UBASH3B: variants seen among roughly 807,000 people sequenced by gnomAD.
UBASH3B encodes the protein ubiquitin associated and SH3 domain containing B.
In UBASH3B, 37 loss-of-function variants were observed where a neutral mutation model predicts 83.4. The ratio of observed to expected loss-of-function variants is 0.44; its 90% CI spans 0.34 to 0.58. The LOEUF (loss-of-function observed/expected upper bound fraction) is 0.58, where lower values mean the gene tolerates loss of function less well. Ranked by LOEUF, UBASH3B falls within the 20% of genes least tolerant of loss-of-function variation. UBASH3B has a pLI of 0.01. For missense variants in UBASH3B, 657 were observed against 827.2 expected (o/e 0.79, Z 2.52); for synonymous variants, 304 against 318.3 (o/e 0.96, Z 0.48).
intron 1 of UBASH3B, among the ~76,000 whole-genome samples, chr11:122,660,900 T>A (rs1322663008): frequency 6.6e-6 from 1 of 152,216 alleles, no homozygotes; most frequent in African/African-American, 2.4e-5. Context: ...AGCTTCTGAA[T>A]GATATCTGCA....
At chr11:122,664,270 G>A (rs965594626) in intron 1 of UBASH3B, among the ~76,000 whole-genome samples, 1 of 152,160 alleles carries the variant, frequency 6.6e-6, no homozygotes, top group Non-Finnish European at 1.5e-5. Context: ...GCTGGGGACT[G>A]GAAGGGGTAC....
At chr11:122,740,088 T>C (rs991716374) in intron 1 of UBASH3B, among the ~76,000 whole-genome samples, 19 of 152,204 alleles carry the variant, frequency 1.2e-4, no homozygotes, top group African/African-American at 4.3e-4. Context: ...ATTTAATAAA[T>C]ATTGAGTGTC....
chr11:122,734,364 C>A (rs1303363269), intron 1 of UBASH3B, among the ~76,000 whole-genome samples: 1 of 152,206 alleles, frequency 6.6e-6, no homozygotes, highest in Non-Finnish European at 1.5e-5. Flanking sequence ...TTGGCCTGAG[C>A]AGACGGGGAT....
intron 1 of UBASH3B, among the ~76,000 whole-genome samples, chr11:122,761,570 A>G (rs1002549301): frequency 9.2e-5 from 14 of 152,108 alleles, no homozygotes; most frequent in Non-Finnish European, 1.9e-4. Flanking sequence ...GTTTTCTCTG[A>G]CCCACCAAAG....
At chr11:122,697,025 G>A (rs947941582) in intron 1 of UBASH3B, among the ~76,000 whole-genome samples, 1 of 152,156 alleles carries the variant, frequency 6.6e-6, no homozygotes, top group Admixed American at 6.5e-5. Context: ...TTTGTTCATA[G>A]CAAAGAAAAG....
chr11:122,783,208 T>C lies in UBASH3B; in HGVS notation c.757T>C (p.Phe253Leu). Reference protein sequence around the residue: ...VATIFSRDIRFANHETLQVIY... With the variant: ...VATIFSRDIRLANHETLQVIY... ...TACCATATTTTCTCGGGATATCCGA[T>C]TTGCTAACCATGAGGTAATGTCTCA... The change falls in exon 5 of 14, where the codon TTT (phenylalanine) becomes CTT (leucine). Residue 253 changes from phenylalanine to leucine, a missense_variant. Physicochemically the swap from Phe to Leu is conservative, Grantham distance 22. Around this residue, in one of 3 missense-constraint regions of UBASH3B, gnomAD observed 573 missense variants for 739.0 expected, o/e 0.78. Transcript: ENST00000284273. 6.2e-7 allele frequency: 1 copy of C among 1,613,834 alleles called. No individual in the cohort carries two copies. The highest frequency in any genetic ancestry group is 2.2e-5 in the East Asian group (1 of 44,870).
chr11:122,747,895 C>T (rs1163715783), intron 1 of UBASH3B, among the ~76,000 whole-genome samples: 1 of 152,172 alleles, frequency 6.6e-6, no homozygotes, highest in Non-Finnish European at 1.5e-5. Context: ...AGCCTCTGTT[C>T]CCTCATTTGT....
In UBASH3B at chr11:122,797,038, G is replaced by T. The variant is rs765195628; in HGVS notation, c.1357+5G>T. On this transcript the variant is annotated splice_donor_5th_base_variant and intron_variant, in intron 9 of 13. Transcript: ENST00000284273. Reference sequence around the variant, plus strand: ...GCATGCAAGCAAGACTAGTGGGTAAGTATCCTGGAGTGACTGCACTCCAGG... The same window carrying T: ...GCATGCAAGCAAGACTAGTGGGTAATTATCCTGGAGTGACTGCACTCCAGG... 3 of 1,591,620 alleles carry T rather than the reference G, an allele frequency of 1.9e-6. No individual in the cohort carries two copies. The highest frequency in any genetic ancestry group is 2.6e-6 in the Non-Finnish European group (3 of 1,169,264).
At chr11:122,720,718 A>T (rs1406271594) in intron 1 of UBASH3B, among the ~76,000 whole-genome samples, 1 of 152,110 alleles carries the variant, frequency 6.6e-6, no homozygotes, top group Non-Finnish European at 1.5e-5. Context: ...CTCTTCACAC[A>T]GCTATCCACA....
chr11:122,656,188 A>T lies in UBASH3B; in HGVS notation c.139A>T (p.Met47Leu). 6.6e-7 allele frequency: 1 copy of T among 1,516,996 alleles called. No homozygotes were observed. Among genetic ancestry groups the T allele is most frequent in the African/African-American group, 1.4e-5 (1 of 69,598 alleles). The allele number at this position is 1,516,996 out of a possible 1,614,324, so 94.0% of individuals were successfully genotyped here. Residue 47 changes from methionine to leucine, a missense_variant, in exon 1 of 14, where the codon ATG becomes TTG. Transcript: ENST00000284273. The part of the protein sequence containing the change: ...HGSALDVLLS[M>L]GFPRARAQKA... ...ATCGGCGCTGGACGTGCTCCTCTCC[A>T]TGGGGTTCCCCAGAGCCCGCGCGTA...
chr11:122,669,928 T>C (rs1863571308), intron 1 of UBASH3B, among the ~76,000 whole-genome samples: 1 of 152,162 alleles, frequency 6.6e-6, no homozygotes, highest in South Asian at 2.1e-4. Flanking sequence ...GGTATTGGCA[T>C]GTAGCTAGTG....
Position 122,769,888 on chromosome 11 carries a change from A to G in UBASH3B, c.162-6331A>G, listed in dbSNP as rs143721423. The stretch of plus-strand genomic sequence containing the variant: ...ATCTGATTAATTAGGTCATCTTTTA[A>G]TTGAATTCAAACTGTTAGGTGTGGA... On this transcript the variant is annotated intron_variant, in intron 1 of 13. Coordinates refer to ENST00000284273, the MANE Select transcript of UBASH3B (RefSeq NM_032873.5). Among the ~76,000 whole-genome samples the G allele has an allele frequency of 4.2e-3, 635 of 152,360 alleles. 1 individual carries two copies. Among genetic ancestry groups the G allele is most frequent in the African/African-American group, 0.014 (594 of 41,578 alleles).
intron 1 of UBASH3B, among the ~76,000 whole-genome samples, chr11:122,738,717 C>T (rs1591793369): frequency 2.0e-5 from 3 of 152,038 alleles, no homozygotes; most frequent in Admixed American, 1.3e-4. Flanking sequence ...GGAGAAACCC[C>T]GTCTCTACAA....
intron 1 of UBASH3B, among the ~76,000 whole-genome samples, chr11:122,704,942 C>T (rs1005230452): frequency 6.6e-6 from 1 of 152,170 alleles, no homozygotes; most frequent in Non-Finnish European, 1.5e-5. Context: ...AAAAGAAGGT[C>T]ACTCTGATAA....
At chr11:122,772,460 G>T (rs1860661829) in intron 1 of UBASH3B, among the ~76,000 whole-genome samples, 1 of 152,082 alleles carries the variant, frequency 6.6e-6, no homozygotes, top group African/African-American at 2.4e-5. Flanking sequence ...AAAGAAAGAA[G>T]GGAGAGGAGG....
At chr11:122,794,448 C>T (rs872412) in intron 6 of UBASH3B, among the ~76,000 whole-genome samples, 33,676 of 152,150 alleles carry the variant, frequency 0.22, 4,066 homozygotes, top group Middle Eastern at 0.46. Flanking sequence ...CTCAGGTGAT[C>T]CGCCTGCCTC....
intron 11 of UBASH3B, among the ~76,000 whole-genome samples, chr11:122,804,596 C>T (rs1420207695): frequency 2.0e-5 from 3 of 152,266 alleles, no homozygotes; most frequent in South Asian, 4.2e-4. Flanking sequence ...GTTTTGTCAT[C>T]CATAAACAGC....
At chr11:122,665,808 G>A (rs1215478736) in intron 1 of UBASH3B, among the ~76,000 whole-genome samples, 7 of 152,168 alleles carry the variant, frequency 4.6e-5, no homozygotes, top group Admixed American at 2.0e-4. Flanking sequence ...TACAACCAAA[G>A]TGCTGGTTAA....
intron 1 of UBASH3B, among the ~76,000 whole-genome samples, chr11:122,678,951 G>A (rs577793836): frequency 6.6e-6 from 1 of 152,298 alleles, no homozygotes; most frequent in South Asian, 2.1e-4. Context: ...ACTGTGCTTG[G>A]CTGCTGGATA....
Sources: allele counts gnomAD v4.1 joint callset (sites outside exome capture counted in the v4.1 genomes callset), GRCh38; gene constraint gnomAD v4.1.1; regional missense constraint gnomAD v4.1.1; transcripts MANE v1.5; gene names NCBI Gene and HGNC (gene_info 2026-07-23, HGNC 2026-07-21).